ATXN7L1: variants seen among roughly 807,000 people sequenced by gnomAD.
The protein encoded by ATXN7L1 is ataxin 7 like 1.
ATXN7L1 carries 15 observed loss-of-function variants against 70.8 expected under a neutral mutation model. The observed-to-expected ratio is 0.21, with a 90% CI of 0.14 to 0.33. The LOEUF is 0.33. ATXN7L1 is among the 10% of genes least tolerant of loss of function. ATXN7L1 has a pLI of 1.00. For missense variants in ATXN7L1, 975 were observed against 1,097.1 expected (o/e 0.89, Z 1.57); for synonymous variants, 440 against 445.1 (o/e 0.99, Z 0.14).
At chr7:105,797,761 C>T (rs1166287896) in intron 2 of ATXN7L1, among the ~76,000 whole-genome samples, 4 of 152,242 alleles carry the variant, frequency 2.6e-5, no homozygotes, top group African/African-American at 9.6e-5. Flanking sequence ...CCTCCCTCTC[C>T]CCTCCTGGTG....
At chr7:105,634,474 C>T (rs749196043) in intron 7 of ATXN7L1, among the ~76,000 whole-genome samples, 13 of 152,114 alleles carry the variant, frequency 8.5e-5, no homozygotes, top group Admixed American at 1.3e-4. Context: ...CTTATTCCAG[C>T]CACCTTAGGT....
Position 105,702,431 on chromosome 7 carries a change from G to C in ATXN7L1, c.356-37143C>G, listed in dbSNP as rs193131197. ...TAGACAGCTTTGAAAGTAAAAGGGG[G>C]TGCTAAATGGATGGGCTCCAGGGCA... On this transcript the variant is annotated intron_variant, in intron 3 of 11. Coordinates refer to ENST00000419735, the MANE Select transcript of ATXN7L1 (RefSeq NM_020725.2). Among the ~76,000 whole-genome samples, 212 of 152,164 alleles carry C rather than the reference G, an allele frequency of 1.4e-3. 1 individual carries two copies. The highest frequency in any genetic ancestry group is 4.9e-3 in the African/African-American group (202 of 41,494).
intron 4 of ATXN7L1, among the ~76,000 whole-genome samples, chr7:105,644,152 A>T (rs1798660845): frequency 6.6e-6 from 1 of 152,208 alleles, no homozygotes; most frequent in South Asian, 2.1e-4. Flanking sequence ...AATGTAGGGC[A>T]GGAAAGAGGG....
intron 3 of ATXN7L1, among the ~76,000 whole-genome samples, chr7:105,778,520 A>AC (rs1803069142): frequency 2.2e-5 from 3 of 134,026 alleles, no homozygotes; most frequent in African/African-American, 6.3e-5. Context: ...CAAAAAAAAA[A>AC]AAAAAAAAAA....
intron 2 of ATXN7L1, among the ~76,000 whole-genome samples, chr7:105,808,761 C>G (rs977101353): frequency 6.6e-6 from 1 of 152,230 alleles, no homozygotes; most frequent in African/African-American, 2.4e-5. Context: ...TTTTACAGAT[C>G]AAGTGCCCCT....
chr7:105,770,215 T>C (rs947588999), intron 3 of ATXN7L1, among the ~76,000 whole-genome samples: 1 of 152,242 alleles, frequency 6.6e-6, no homozygotes, highest in Non-Finnish European at 1.5e-5. Context: ...AAAGCATAGA[T>C]GGCGTTTCTG....
intron 3 of ATXN7L1, among the ~76,000 whole-genome samples, chr7:105,727,787 T>TAC (rs1392558948): frequency 2.0e-5 from 2 of 99,740 alleles, no homozygotes; most frequent in South Asian, 3.8e-4. Flanking sequence ...TACACACACA[T>TAC]ACACACATAT....
intron 3 of ATXN7L1, among the ~76,000 whole-genome samples, chr7:105,774,715 T>C (rs1484127424): frequency 6.6e-6 from 1 of 152,082 alleles, no homozygotes; most frequent in Admixed American, 6.5e-5. Flanking sequence ...GTATTATTAA[T>C]GCGCTTTGGT....
chr7:105,858,808 G>C (rs568700454), intron 2 of ATXN7L1, among the ~76,000 whole-genome samples: 35 of 152,026 alleles, frequency 2.3e-4, no homozygotes, highest in Non-Finnish European at 4.6e-4. Flanking sequence ...AACAAGGTAA[G>C]ACACCACAAG....
intron 2 of ATXN7L1, among the ~76,000 whole-genome samples, chr7:105,805,544 G>T (rs749652498): frequency 2.6e-5 from 4 of 152,188 alleles, no homozygotes; most frequent in Non-Finnish European, 5.9e-5. Flanking sequence ...AAATGAATGC[G>T]ATGATTTATG....
chr7:105,726,868 T>C (rs553455641), intron 3 of ATXN7L1, among the ~76,000 whole-genome samples: 1 of 152,362 alleles, frequency 6.6e-6, no homozygotes, highest in South Asian at 2.1e-4. Flanking sequence ...TTAGCATCAC[T>C]GACTGAAAGC....
chr7:105,691,658 T>TAAAAAAAAA (rs34303034), intron 3 of ATXN7L1: 1 of 110,940 alleles, frequency 9.0e-6, no homozygotes, highest in Non-Finnish European at 1.8e-5. Flanking sequence ...CGGATGTCAG[T>TAAAAAAAAA]AAAAAAAAAA....
intron 2 of ATXN7L1, among the ~76,000 whole-genome samples, chr7:105,803,763 GACTTCCCTAATGGTA>G (rs1439068954): frequency 1.3e-5 from 2 of 152,314 alleles, no homozygotes; most frequent in African/African-American, 4.8e-5. Context: ...CACTGGCCTA[GACTTCCCTAATGGTA>G]ACTTCCCATA....
chr7:105,745,033 C>A (rs1047034317), intron 3 of ATXN7L1, among the ~76,000 whole-genome samples: 5 of 152,012 alleles, frequency 3.3e-5, no homozygotes, highest in Non-Finnish European at 2.9e-5. Context: ...CCACTGTGCC[C>A]GGCCAACAAC....
intron 3 of ATXN7L1, among the ~76,000 whole-genome samples, chr7:105,670,828 C>T (rs1160795849): frequency 2.6e-5 from 4 of 151,794 alleles, no homozygotes; most frequent in African/African-American, 4.8e-5. Flanking sequence ...CGGGTGTAGC[C>T]GGGCGCGGTG....
chr7:105,678,109 T>C (rs536934297), intron 3 of ATXN7L1: 15,351 of 600,208 alleles, frequency 0.026, 137 homozygotes, highest in Non-Finnish European at 0.03. Flanking sequence ...TTTTTTTTTT[T>C]CCTTTCTGGC....
intron 3 of ATXN7L1, among the ~76,000 whole-genome samples, chr7:105,670,841 T>C (rs1803447700): frequency 6.6e-6 from 1 of 151,866 alleles, no homozygotes; most frequent in African/African-American, 2.4e-5. Context: ...GCGCGGTGGC[T>C]CACGCCTGTA....
intron 2 of ATXN7L1, among the ~76,000 whole-genome samples, chr7:105,824,095 A>G (rs1810520896): frequency 6.6e-6 from 1 of 152,180 alleles, no homozygotes. Context: ...CTCTGCCTCC[A>G]TCTGCTCTTA....
chr7:105,688,993 T>C lies in ATXN7L1; in HGVS notation c.356-23705A>G, dbSNP rs185499398. 1.4e-3 allele frequency among the ~76,000 whole-genome samples: 217 copies of C among 152,314 alleles called. 1 individual carries two copies. The highest frequency in any genetic ancestry group is 5.0e-3 in the African/African-American group (209 of 41,556). On this transcript the variant is annotated intron_variant, in intron 3 of 11. Coordinates refer to ENST00000419735, the MANE Select transcript of ATXN7L1 (RefSeq NM_020725.2). ...GAAAAGACAAGACCTTGGGGGTGAA[T>C]GGACTATGGCAAAGTGAGGTCGCTG...
Sources: gnomAD v4.1 joint callset for allele counts (sites outside exome capture counted in the v4.1 genomes callset) on GRCh38, gnomAD v4.1.1 for gene constraint, MANE v1.5 for transcripts, NCBI Gene and HGNC (gene_info 2026-07-23, HGNC 2026-07-21) for gene names.